HNRNPLL: variants seen among roughly 807,000 people sequenced by gnomAD.
The protein encoded by HNRNPLL is heterogeneous nuclear ribonucleoprotein L like.
HNRNPLL carries 25 observed loss-of-function variants against 67.1 expected under a neutral mutation model. The ratio of observed to expected loss-of-function variants is 0.37; its 90% CI spans 0.27 to 0.52. The LOEUF is 0.52. HNRNPLL is among the 20% of genes least tolerant of loss of function. HNRNPLL has a pLI of 0.90. For synonymous variants in HNRNPLL, 267 were observed against 241.7 expected (o/e 1.10, Z -0.97); for missense variants, 542 against 673.9 (o/e 0.80, Z 2.17).
Position 38,568,387 on chromosome 2 carries a change from T to C in HNRNPLL, c.1473A>G (p.Lys491=), listed in dbSNP as rs953878469. ...TTAAAAGAGGGACTGTTCACTTACG[T>C]TTTGCATCAAACACTTTATATTTGA... ...TFIKYKVFDA[K]PSAKTLSGLL... is the part of the protein sequence containing the mutation. Residue 491 remains lysine, a splice_region_variant and synonymous_variant, in exon 11 of 13, where the codon AAA becomes AAG. Transcript: ENST00000449105. 9 of 1,609,032 alleles carry C rather than the reference T, an allele frequency of 5.6e-6. No individual in the cohort carries two copies. In the Admixed American group the frequency reaches 1.0e-4, roughly 18 times the overall value.
chr2:38,596,045 A>G (rs1274523394), intron 1 of HNRNPLL, among the ~76,000 whole-genome samples: 1 of 151,192 alleles, frequency 6.6e-6, no homozygotes, highest in Non-Finnish European at 1.5e-5. Context: ...TTAACACACA[A>G]TTTTCTCATT....
intron 12 of HNRNPLL, among the ~76,000 whole-genome samples, chr2:38,566,510 T>G (rs1326592341): frequency 6.6e-6 from 1 of 152,082 alleles, no homozygotes; most frequent in South Asian, 2.1e-4. Context: ...TGGTAAAAAT[T>G]GAATATCTGA....
At chr2:38,602,064 G>T in intron 1 of HNRNPLL, 1 of 251,446 alleles carries the variant, frequency 4.0e-6, no homozygotes, top group Non-Finnish European at 7.7e-6. Context: ...AGGGACTGAA[G>T]AGAACCGGTG....
rs775990823 is a variant in HNRNPLL at position 38,577,545 on chromosome 2, T to C, written c.803-13A>G. ...CCCTTTCCTCTATCTGACACAAAAG[T>C]AGAAACATGGTTTTAACAATTTTGA... On this transcript the variant is annotated splice_polypyrimidine_tract_variant and intron_variant, in intron 6 of 12. Coordinates refer to ENST00000449105, the MANE Select transcript of HNRNPLL (RefSeq NM_138394.4). 6 of 1,581,376 alleles carry C rather than the reference T, an allele frequency of 3.8e-6. No homozygotes were observed. In the African/African-American group the frequency reaches 5.4e-5, roughly 14 times the overall value.
intron 12 of HNRNPLL, among the ~76,000 whole-genome samples, chr2:38,564,472 T>C (rs2148330350): frequency 6.6e-6 from 1 of 151,940 alleles, no homozygotes; most frequent in African/African-American, 2.4e-5. Context: ...ATACAAAAAT[T>C]AGCTGGGTGT....
intron 8 of HNRNPLL, among the ~76,000 whole-genome samples, chr2:38,570,657 G>A (rs1219737455): frequency 1.3e-5 from 2 of 152,126 alleles, no homozygotes; most frequent in Non-Finnish European, 2.9e-5. Flanking sequence ...CTAATGCTTA[G>A]CCCTTGGGAA....
chr2:38,595,834 A>G (rs1475073871), intron 1 of HNRNPLL, among the ~76,000 whole-genome samples: 6 of 151,898 alleles, frequency 4.0e-5, no homozygotes, highest in Admixed American at 3.9e-4. Context: ...ACAGAGCGAG[A>G]CTCCGTCTCA....
At chr2:38,565,388 CT>C (rs931166084) in intron 12 of HNRNPLL, among the ~76,000 whole-genome samples, 1 of 151,702 alleles carries the variant, frequency 6.6e-6, no homozygotes, top group Non-Finnish European at 1.5e-5. Context: ...ATAAAATTTC[CT>C]TTTTTTTCTT....
At position 38,602,842 on chromosome 2, in the gene HNRNPLL, G is replaced by T; in HGVS notation, c.-216C>A. The T allele has an allele frequency of 6.5e-7, 1 of 1,548,888 alleles. No individual in the cohort carries two copies. The highest frequency in any genetic ancestry group is 1.2e-5 in the South Asian group (1 of 83,920). On this transcript the variant is annotated 5_prime_UTR_variant, in exon 1 of 13. Transcript: ENST00000449105. ...CCCGGGAGGAAGCTCTGGAGCGGCC[G>T]CTCCTCTCAATTACCGAGCCAACAT... is the stretch of plus-strand genomic sequence containing the variant.
Position 38,563,974 on chromosome 2 carries a change from T to TAC in HNRNPLL, c.*206_*207dup. 1 of 510,560 alleles carries TAC rather than the reference T, an allele frequency of 2.0e-6. No homozygotes were observed. Among genetic ancestry groups the TAC allele is most frequent in the Non-Finnish European group, 3.5e-6 (1 of 287,614 alleles). The allele number at this position is 510,560 out of a possible 1,614,324, so 31.6% of individuals were successfully genotyped here. A position where few individuals can be genotyped will look rare whatever the true frequency, so the allele number is the denominator to read the frequency against. ...ATCTACAATGAAGCTGTAGATAGTC[T>TAC]ACATTATGATATTCTATCTTAAAAT... On this transcript the variant is annotated 3_prime_UTR_variant, in exon 13 of 13. Transcript: ENST00000449105.
chr2:38,583,219 T>TAAGGTAAAAAAAC (rs980364281), intron 4 of HNRNPLL, among the ~76,000 whole-genome samples: 1 of 152,148 alleles, frequency 6.6e-6, no homozygotes, highest in Admixed American at 6.5e-5. Flanking sequence ...CAAAGGTATA[T>TAAGGTAAAAAAAC]AAGGTAAAAA....
intron 12 of HNRNPLL, among the ~76,000 whole-genome samples, chr2:38,567,753 T>C (rs1372090232): frequency 1.3e-5 from 2 of 152,214 alleles, no homozygotes; most frequent in African/African-American, 2.4e-5. Context: ...ATTGTTGATT[T>C]ATCTCTTGGA....
At chr2:38,569,111 A>G in intron 10 of HNRNPLL, 22 bp downstream of exon 10, 1 of 1,485,572 alleles carries the variant, frequency 6.7e-7, no homozygotes, top group Non-Finnish European at 9.4e-7. Context: ...CATTCTATAC[A>G]CATTTGTATT....
Position 38,582,079 on chromosome 2 carries a change from T to C in HNRNPLL, c.722A>G (p.Tyr241Cys), listed in dbSNP as rs117385826. The change falls in exon 5 of 13, where the codon TAT (tyrosine) becomes TGT (cysteine). Residue 241 changes from tyrosine (Y) to cysteine (C), a missense_variant. Transcript: ENST00000449105. ...YAGCCTLKIE[Y>C]ARPTRLNVIR... ...GTTGAAAAAAATATTTACCCGTGCA[T>C]ATTCAATTTTTAGTGTGCAACATCC... 784 of 1,611,862 alleles carry C rather than the reference T, an allele frequency of 4.9e-4. 11 individuals are homozygous for C. The East Asian group carries it at 0.017, about 35-fold the overall frequency.
Position 38,567,017 on chromosome 2 carries a change from G to A in HNRNPLL, c.1573+1182C>T, listed in dbSNP as rs537735448. Reference sequence around the variant, plus strand: ...TCCTGAAAATGCTTTAAAAAGCTTTGAATGTGGCAATATAGAAATAGCTCC... The same window carrying A: ...TCCTGAAAATGCTTTAAAAAGCTTTAAATGTGGCAATATAGAAATAGCTCC... On this transcript the variant is annotated intron_variant, in intron 12 of 12. Transcript: ENST00000449105. 3.9e-5 allele frequency among the ~76,000 whole-genome samples: 6 copies of A among 152,182 alleles called. No homozygotes were observed. The South Asian group carries it at 1.2e-3, about 32-fold the overall frequency.
chr2:38,573,178 A>G, intron 8 of HNRNPLL, 32 bp downstream of exon 8: 1 of 1,435,220 alleles, frequency 7.0e-7, no homozygotes, highest in Non-Finnish European at 9.6e-7. Context: ...TGAATATCCT[A>G]GCAAAAGAAA....
intron 1 of HNRNPLL, among the ~76,000 whole-genome samples, chr2:38,596,260 G>C (rs1006436131): frequency 6.6e-6 from 1 of 151,970 alleles, no homozygotes; most frequent in African/African-American, 2.4e-5. Context: ...GGTGTCATTT[G>C]TAGAGACTTC....
intron 8 of HNRNPLL, among the ~76,000 whole-genome samples, chr2:38,570,790 C>T (rs1666046870): frequency 6.6e-6 from 1 of 151,948 alleles, no homozygotes; most frequent in Admixed American, 6.6e-5. Context: ...CTTGTAATCC[C>T]AGCACTTTTG....
chr2:38,578,965 C>T (rs144304895), intron 6 of HNRNPLL, among the ~76,000 whole-genome samples: 1 of 152,108 alleles, frequency 6.6e-6, no homozygotes, highest in Non-Finnish European at 1.5e-5. Flanking sequence ...CGTCTCTCAT[C>T]ACGCAAGTCT....
Sources: allele counts gnomAD v4.1 joint callset (sites outside exome capture counted in the v4.1 genomes callset), GRCh38; gene constraint gnomAD v4.1.1; transcripts MANE v1.5; gene names NCBI Gene and HGNC (gene_info 2026-07-23, HGNC 2026-07-21).